The following METTL9 variants were observed in gnomAD, a reference collection of about 807,000 sequenced individuals.
The protein encoded by METTL9 is methyltransferase 9, His-X-His N1(pi)-histidine.
A neutral mutation model predicts 36.0 loss-of-function variants in METTL9; 10 were observed. That is an observed-to-expected ratio of 0.28 (90% confidence interval 0.17 to 0.47). The LOEUF (loss-of-function observed/expected upper bound fraction) is 0.47. METTL9 is among the 20% of genes least tolerant of loss of function. METTL9 has a pLI of 0.99. For missense variants in METTL9, 246 were observed against 383.5 expected (o/e 0.64, Z 3.00); for synonymous variants, 175 against 149.7 (o/e 1.17, Z -1.23).
upstream of METTL9, chr16:21,597,280 G>T: frequency 1.6e-6 from 2 of 1,289,054 alleles, no homozygotes; most frequent in Non-Finnish European, 2.0e-6. Context: ...CACGAGCTGG[G>T]ATACCAAGTT....
chr16:21,632,446 A>G (rs1036590249), intron 4 of METTL9, among the ~76,000 whole-genome samples: 1 of 152,144 alleles, frequency 6.6e-6, no homozygotes, highest in Non-Finnish European at 1.5e-5. Context: ...CCATCGGTAT[A>G]TAGGTTAAGG....
At chr16:21,624,855 T>A (rs534453412) in intron 3 of METTL9, 76 bp from the exon 4 acceptor site, 52 of 1,313,734 alleles carry the variant, frequency 4.0e-5, no homozygotes, top group Non-Finnish European at 5.7e-5. Flanking sequence ...TTAAAGCCTT[T>A]ATTGTCATCT....
intron 4 of METTL9, chr16:21,641,703 G>A (rs1966274658): frequency 9.2e-6 from 5 of 542,638 alleles, no homozygotes; most frequent in South Asian, 8.4e-5. Flanking sequence ...GGTCCTAAGT[G>A]TCCATATGGT....
Position 21,652,814 on chromosome 16 carries a change from T to TTTTA in METTL9, c.752-2412_752-2409dup, listed in dbSNP as rs1966612818. 5 of 469,330 alleles carry TTTTA rather than the reference T, an allele frequency of 1.1e-5. No homozygotes were observed. The South Asian group carries it at 2.1e-4, about 20-fold the overall frequency. 29.1% of individuals were successfully genotyped at this position (469,330 alleles called of 1,614,324 possible). The stretch of plus-strand genomic sequence containing the variant: ...TGCATATCTTTTTTTTTTCCATGGA[T>TTTTA]TTTACAGTTGTCATAGGTGTTAGAT... On this transcript the variant is annotated intron_variant, in intron 4 of 4. Transcript: ENST00000358154.
In METTL9 at chr16:21,655,301, C is replaced by T. The variant is rs376739246; in HGVS notation, c.826C>T (p.Leu276=). The change falls in exon 5 of 5, where the codon CTG becomes TTG. Residue 276 remains leucine (L), a synonymous_variant. Coordinates refer to ENST00000358154, the MANE Select transcript of METTL9 (RefSeq NM_016025.5). ...GAACTGGGAAGAACAAGTGAATAGT[C>T]TGCCTGAAGTTTTCAGAAAAGCTGG... The part of the protein sequence containing the change: ...GQNWEEQVNS[L]PEVFRKAGFV... 1.4e-4 allele frequency: 233 copies of T among 1,614,104 alleles called. 1 individual carries two copies. Among genetic ancestry groups the T allele is most frequent in the African/African-American group, 6.3e-4 (47 of 74,948 alleles).
At chr16:21,636,340 T>C (rs1966092027) in intron 4 of METTL9, among the ~76,000 whole-genome samples, 1 of 152,126 alleles carries the variant, frequency 6.6e-6, no homozygotes, top group Non-Finnish European at 1.5e-5. Context: ...TTCTGATTGG[T>C]GAGCCCAGGT....
At chr16:21,610,759 A>G (rs191876202) in intron 1 of METTL9, among the ~76,000 whole-genome samples, 15 of 152,294 alleles carry the variant, frequency 9.8e-5, no homozygotes, top group Admixed American at 8.5e-4. Flanking sequence ...AGTGGATGCC[A>G]AGGAATTCTT....
At chr16:21,621,140 G>A (rs1337092485) in intron 3 of METTL9, among the ~76,000 whole-genome samples, 1 of 150,216 alleles carries the variant, frequency 6.7e-6, no homozygotes, top group Admixed American at 6.6e-5. Context: ...TGGCTAATTT[G>A]AGAGAGAGAG....
chr16:21,637,379 G>A (rs961925951), intron 4 of METTL9, among the ~76,000 whole-genome samples: 13 of 152,212 alleles, frequency 8.5e-5, no homozygotes, highest in South Asian at 4.1e-4. Flanking sequence ...GACACAGAGC[G>A]CTGATTGGTG....
intron 4 of METTL9, chr16:21,647,100 A>G (rs775464475): frequency 3.8e-5 from 61 of 1,613,830 alleles, no homozygotes; most frequent in Non-Finnish European, 3.8e-5. Context: ...ACAAGATGCA[A>G]TGATGCACTG....
At chr16:21,632,207 C>T (rs1026395656) in intron 4 of METTL9, among the ~76,000 whole-genome samples, 1 of 152,226 alleles carries the variant, frequency 6.6e-6, no homozygotes, top group African/African-American at 2.4e-5. Flanking sequence ...TTAGGAACTC[C>T]CTTTCTTTCC....
At chr16:21,644,926 A>G (rs879639367) in intron 4 of METTL9, among the ~76,000 whole-genome samples, 12 of 152,228 alleles carry the variant, frequency 7.9e-5, no homozygotes, top group Non-Finnish European at 1.8e-4. Flanking sequence ...GCGTGCTTGA[A>G]AGACAGGCAC....
intron 4 of METTL9, chr16:21,640,839 A>G (rs1000364239): frequency 5.9e-5 from 9 of 151,610 alleles, no homozygotes; most frequent in African/African-American, 2.2e-4. Context: ...TGTTGCCCAC[A>G]TCTTCCCTGG....
intron 4 of METTL9, among the ~76,000 whole-genome samples, chr16:21,637,887 G>A (rs558803678): frequency 6.6e-5 from 10 of 152,380 alleles, no homozygotes; most frequent in South Asian, 2.1e-4. Flanking sequence ...GAGAGCGAGC[G>A]AGGGCTGCTA....
At chr16:21,641,440 A>C (rs926447978) in intron 4 of METTL9, 2 of 597,836 alleles carry the variant, frequency 3.3e-6, no homozygotes, top group Non-Finnish European at 5.7e-6. Context: ...GTTTACCTTT[A>C]TTTTTTTTTA....
chr16:21,625,386 T>G (rs1235751731), intron 4 of METTL9, among the ~76,000 whole-genome samples: 1 of 152,176 alleles, frequency 6.6e-6, no homozygotes, highest in Admixed American at 6.5e-5. Context: ...TGCAACTGTA[T>G]CTCTGGTTTT....
intron 1 of METTL9, among the ~76,000 whole-genome samples, chr16:21,600,597 G>C (rs1307456722): frequency 6.6e-6 from 1 of 152,142 alleles, no homozygotes; most frequent in Non-Finnish European, 1.5e-5. Context: ...TTACAGGAAG[G>C]GTTTTTAAAA....
At chr16:21,633,279 C>A (rs781679108) in intron 4 of METTL9, among the ~76,000 whole-genome samples, 1 of 152,196 alleles carries the variant, frequency 6.6e-6, no homozygotes, top group African/African-American at 2.4e-5. Context: ...ACCTAGACAC[C>A]TTGTACCTTT....
At position 21,605,393 on chromosome 16, in the gene METTL9, G is replaced by A. The variant is rs561178904; in HGVS notation, c.165+5495G>A. Among the ~76,000 whole-genome samples the A allele has an allele frequency of 2.1e-5, 3 of 145,598 alleles. No homozygotes were observed. The East Asian group carries it at 6.5e-4, about 31-fold the overall frequency. ...ACTCCTGGCCTCAGTACATCCTCCT[G>A]CCTCGGCCTCCTGAGTAGCTTCTAA... On this transcript the variant is annotated intron_variant, in intron 1 of 4. Coordinates refer to ENST00000358154, the MANE Select transcript of METTL9 (RefSeq NM_016025.5).
Sources: allele counts gnomAD v4.1 joint callset (sites outside exome capture counted in the v4.1 genomes callset), GRCh38; gene constraint gnomAD v4.1.1; transcripts MANE v1.5; gene names NCBI Gene and HGNC (gene_info 2026-07-23, HGNC 2026-07-21).